Variants in AMPH observed in about 807,000 individuals in gnomAD.
AMPH encodes the protein amphiphysin.
A neutral mutation model predicts 99.1 loss-of-function variants in AMPH; 49 were observed. The observed-to-expected ratio is 0.49, with a 90% CI of 0.39 to 0.63. The LOEUF (loss-of-function observed/expected upper bound fraction) is 0.63, where lower values mean the gene tolerates loss of function less well. AMPH is among the 20% of genes least tolerant of loss of function. The pLI is 0.00. For synonymous variants in AMPH, 314 were observed against 317.3 expected, an observed-to-expected ratio of 0.99 and a Z score of 0.11; for missense variants, 759 against 863.4, an observed-to-expected ratio of 0.88 and a Z score of 1.52.
chr7:38,513,592 A>C (rs1789623810), intron 2 of AMPH, among the ~76,000 whole-genome samples: 1 of 152,224 alleles, frequency 6.6e-6, no homozygotes, highest in Admixed American at 6.5e-5. Context: ...TAATTGCTTC[A>C]AAAGAAAGAA....
chr7:38,571,821 A>G (rs933742558), intron 1 of AMPH, among the ~76,000 whole-genome samples: 6 of 151,844 alleles, frequency 4.0e-5, no homozygotes, highest in African/African-American at 1.2e-4. Context: ...AGGCCTTCAC[A>G]TTCACTCACC....
intron 11 of AMPH, among the ~76,000 whole-genome samples, chr7:38,458,695 T>C (rs866026820): frequency 1.3e-5 from 2 of 151,998 alleles, no homozygotes; most frequent in African/African-American, 4.8e-5. Flanking sequence ...AACTAGGAAA[T>C]AGAAGGAACT....
chr7:38,627,646 CT>C (rs1794304456), intron 1 of AMPH, among the ~76,000 whole-genome samples: 1 of 96,434 alleles, frequency 1.0e-5, no homozygotes, highest in Admixed American at 1.4e-4. Flanking sequence ...CAGAGCGAGA[CT>C]CTGTCTCAAA....
At chr7:38,580,521 C>T (rs920162345) in intron 1 of AMPH, among the ~76,000 whole-genome samples, 3 of 152,052 alleles carry the variant, frequency 2.0e-5, no homozygotes, top group Non-Finnish European at 2.9e-5. Flanking sequence ...AGCCTGGGGT[C>T]GCCAAACCCC....
intron 1 of AMPH, among the ~76,000 whole-genome samples, chr7:38,565,053 G>A (rs1791685091): frequency 6.6e-6 from 1 of 151,238 alleles, no homozygotes; most frequent in African/African-American, 2.4e-5. Context: ...GAACCCGGGA[G>A]GCAGAGTTTG....
intron 5 of AMPH, among the ~76,000 whole-genome samples, chr7:38,486,448 C>A (rs1253380343): frequency 6.6e-6 from 1 of 151,838 alleles, no homozygotes; most frequent in Non-Finnish European, 1.5e-5. Context: ...CAACCAAATA[C>A]CTCCCAACAA....
chr7:38,441,360 C>A (rs1786497195), intron 11 of AMPH, among the ~76,000 whole-genome samples: 1 of 152,048 alleles, frequency 6.6e-6, no homozygotes, highest in African/African-American at 2.4e-5. Flanking sequence ...ATTTAGATAA[C>A]ACTGTGACTA....
At chr7:38,391,405 C>T (rs886693281) in intron 19 of AMPH, among the ~76,000 whole-genome samples, 1 of 152,140 alleles carries the variant, frequency 6.6e-6, no homozygotes, top group African/African-American at 2.4e-5. Flanking sequence ...ATAGCCGAGT[C>T]AGGAGCTCTT....
At chr7:38,469,946 G>A (rs750435711) in intron 7 of AMPH, among the ~76,000 whole-genome samples, 2 of 152,140 alleles carry the variant, frequency 1.3e-5, no homozygotes, top group Non-Finnish European at 2.9e-5. Flanking sequence ...TGGGCCATGA[G>A]CTCCCTCATT....
intron 1 of AMPH, among the ~76,000 whole-genome samples, chr7:38,566,285 T>C (rs1166291868): frequency 7.0e-6 from 1 of 142,780 alleles, no homozygotes; most frequent in African/African-American, 2.6e-5. Context: ...AACTCATTAA[T>C]GTCTTCTTTT....
rs553497042 is a variant in AMPH at position 38,489,167 on chromosome 7, A to T, written c.396+1883T>A. Among the ~76,000 whole-genome samples the T allele has an allele frequency of 8.5e-4, 129 of 152,298 alleles. 1 individual carries two copies. In the Middle Eastern group the frequency reaches 0.027, roughly 32 times the overall value. On this transcript the variant is annotated intron_variant, in intron 5 of 20. Coordinates refer to ENST00000356264, the MANE Select transcript of AMPH (RefSeq NM_001635.4). ...GTTATACAGACCTCTGAAACAGAAT[A>T]TAAAGCCCAGAAGTAAATCCACAAA...
At chr7:38,536,633 C>A (rs1295850464) in intron 1 of AMPH, among the ~76,000 whole-genome samples, 4 of 151,992 alleles carry the variant, frequency 2.6e-5, no homozygotes, top group African/African-American at 9.7e-5. Flanking sequence ...ACCAATTATA[C>A]AATATCACTC....
chr7:38,426,828 G>T, intron 15 of AMPH, 126 bp downstream of exon 15: 1 of 749,666 alleles, frequency 1.3e-6, no homozygotes, highest in Non-Finnish European at 2.3e-6. Context: ...GTAAGTAGTG[G>T]GGTCCAATTT....
rs76721060 is a variant in AMPH, at chr7:38,568,976, A to G, written c.70-33965T>C. The stretch of plus-strand genomic sequence containing the variant: ...TTGAGTTATATAAAAACTGATGCTT[A>G]GAGAGGCACAAGGTAACATCTGGGT... On this transcript the variant is annotated intron_variant, in intron 1 of 20. Coordinates refer to ENST00000356264, the MANE Select transcript of AMPH (RefSeq NM_001635.4). 7.1e-3 allele frequency among the ~76,000 whole-genome samples: 1,081 copies of G among 152,340 alleles called. 11 individuals carry two copies. The highest frequency in any genetic ancestry group is 0.024 in the African/African-American group (1,006 of 41,564).
intron 1 of AMPH, among the ~76,000 whole-genome samples, chr7:38,581,825 T>A (rs908802007): frequency 3.9e-5 from 6 of 152,178 alleles, no homozygotes; most frequent in African/African-American, 1.4e-4. Flanking sequence ...CGAGAATGAC[T>A]CCATGTTTCT....
rs75271295 is a variant in AMPH, at chr7:38,480,327, C to G, written c.397-3358G>C. On this transcript the variant is annotated intron_variant, in intron 5 of 20. Coordinates refer to ENST00000356264, the MANE Select transcript of AMPH (RefSeq NM_001635.4). ...AGACAGGGCACAAAATTTAAGAAGG[C>G]CCCTTACTCTCAGGGTCATGTGAGT... Among the ~76,000 whole-genome samples the G allele has an allele frequency of 0.011, 1,698 of 152,114 alleles. 69 individuals are homozygous for G. The East Asian group carries it at 0.15, about 14-fold the overall frequency.
intron 1 of AMPH, among the ~76,000 whole-genome samples, chr7:38,610,334 A>AG (rs766376526): frequency 0.021 from 482 of 23,050 alleles, 56 homozygotes; most frequent in African/African-American, 0.081. Context: ...AAGAAAAGAA[A>AG]AAAGAAAAGA....
intron 2 of AMPH, among the ~76,000 whole-genome samples, chr7:38,517,717 T>G (rs183013445): frequency 1.7e-3 from 266 of 152,276 alleles, no homozygotes; most frequent in African/African-American, 5.8e-3. Flanking sequence ...TACTTAAATA[T>G]GCAATTTATA....
intron 1 of AMPH, among the ~76,000 whole-genome samples, chr7:38,564,063 G>A (rs977707019): frequency 9.2e-5 from 14 of 151,986 alleles, no homozygotes; most frequent in African/African-American, 3.4e-4. Flanking sequence ...AATTCTTTAG[G>A]GTTATTCTCC....
Sources: allele counts gnomAD v4.1 joint callset (sites outside exome capture counted in the v4.1 genomes callset), GRCh38; gene constraint gnomAD v4.1.1; transcripts MANE v1.5; gene names NCBI Gene and HGNC (gene_info 2026-07-23, HGNC 2026-07-21).